Variants in PLXNA2 observed in about 807,000 individuals in gnomAD.
The protein encoded by PLXNA2 is plexin A2, also known as plexin-A2.
A neutral mutation model predicts 193.5 loss-of-function variants in PLXNA2; 91 were observed. The observed-to-expected ratio is 0.47, with a 90% CI of 0.40 to 0.56. The LOEUF (loss-of-function observed/expected upper bound fraction) is 0.56, where lower values mean the gene tolerates loss of function less well. PLXNA2 is among the 20% of genes least tolerant of loss of function. PLXNA2 has a pLI of 0.00. For synonymous variants in PLXNA2, 997 were observed against 1,027.3 expected (o/e 0.97, Z 0.56); for missense variants, 1,995 against 2,503.2 (o/e 0.80, Z 4.33).
In PLXNA2 at chr1:208,163,984, C is replaced by A. The variant is rs566578945; in HGVS notation, c.1372-21521G>T. ...CCCCCACAAAGGGGCCGCTTCCCCC[C>A]ATGGAGCACAGGAAGGCAGGTGTAT... On this transcript the variant is annotated intron_variant, in intron 3 of 31. Coordinates refer to ENST00000367033, the MANE Select transcript of PLXNA2 (RefSeq NM_025179.4). 1.1e-4 allele frequency among the ~76,000 whole-genome samples: 17 copies of A among 152,364 alleles called. No homozygotes were observed. In the East Asian group the frequency reaches 2.7e-3, roughly 24 times the overall value.
intron 3 of PLXNA2, among the ~76,000 whole-genome samples, chr1:208,143,818 C>T (rs966782231): frequency 2.0e-5 from 3 of 152,042 alleles, no homozygotes; most frequent in Non-Finnish European, 4.4e-5. Flanking sequence ...ACTACCTACT[C>T]GAATTGTTCT....
intron 4 of PLXNA2, among the ~76,000 whole-genome samples, chr1:208,119,982 A>G (rs1223915147): frequency 6.6e-6 from 1 of 152,112 alleles, no homozygotes; most frequent in Non-Finnish European, 1.5e-5. Context: ...GAGGGAGGTG[A>G]GTGGATGGAT....
rs989635239 is a variant in PLXNA2, at chr1:208,034,674, T to C, written c.4765-82A>G. 4 of 850,992 alleles carry C rather than the reference T, an allele frequency of 4.7e-6. No individual in the cohort carries two copies. The Admixed American group carries it at 7.3e-5, about 16-fold the overall frequency. The allele number at this position is 850,992 out of a possible 1,614,324, so 52.7% of individuals were successfully genotyped here. On this transcript the variant is annotated intron_variant, in intron 26 of 31. Coordinates refer to ENST00000367033, the MANE Select transcript of PLXNA2 (RefSeq NM_025179.4). ...TGGATAGTCAAGTATTTCTAGAGGG[T>C]TATAAGATAGCTGTGGGGTAGAGAG... is the stretch of plus-strand genomic sequence containing the variant.
chr1:208,202,539 C>T (rs545285751), intron 3 of PLXNA2, among the ~76,000 whole-genome samples: 3 of 152,256 alleles, frequency 2.0e-5, no homozygotes, highest in Admixed American at 2.0e-4. Flanking sequence ...TGGTCCCTAC[C>T]CGAAGGCAGG....
intron 12 of PLXNA2, among the ~76,000 whole-genome samples, chr1:208,068,225 A>T (rs922666941): frequency 2.6e-5 from 4 of 152,218 alleles, no homozygotes; most frequent in African/African-American, 9.6e-5. Context: ...GTTAAAAGGA[A>T]ATGCTGGTCT....
At chr1:208,231,147 C>T (rs1456552028) in intron 1 of PLXNA2, among the ~76,000 whole-genome samples, 1 of 151,998 alleles carries the variant, frequency 6.6e-6, no homozygotes, top group African/African-American at 2.4e-5. Context: ...GGGAGAGTGA[C>T]GGGCGCAGTT....
intron 12 of PLXNA2, among the ~76,000 whole-genome samples, chr1:208,063,481 A>G (rs1665681647): frequency 6.6e-6 from 1 of 152,348 alleles, no homozygotes; most frequent in African/African-American, 2.4e-5. Flanking sequence ...ATTGGCAAGC[A>G]TTATAATCTT....
chr1:208,115,713 T>G (rs2102439642), intron 4 of PLXNA2, among the ~76,000 whole-genome samples: 1 of 152,330 alleles, frequency 6.6e-6, no homozygotes, highest in Middle Eastern at 3.4e-3. Flanking sequence ...GATCCCAAAG[T>G]ACTCATAGTG....
chr1:208,241,131 C>A (rs936876626), intron 1 of PLXNA2, among the ~76,000 whole-genome samples: 2 of 152,284 alleles, frequency 1.3e-5, no homozygotes, highest in Admixed American at 6.5e-5. Context: ...TTTCTTGTAA[C>A]CTGCCCATGA....
intron 3 of PLXNA2, among the ~76,000 whole-genome samples, chr1:208,162,914 G>A (rs1669177422): frequency 6.6e-6 from 1 of 152,182 alleles, no homozygotes; most frequent in Non-Finnish European, 1.5e-5. Flanking sequence ...CACATACAAG[G>A]CTGACTCTGC....
chr1:208,052,492 A>T, intron 14 of PLXNA2, 29 bp from the exon 15 acceptor site: 1 of 1,611,326 alleles, frequency 6.2e-7, no homozygotes, highest in South Asian at 1.1e-5. Context: ...AAATGACTAC[A>T]GCTTAGGTTT....
rs73077842 is a variant in PLXNA2 at position 208,187,415 on chromosome 1, T to C, written c.1371+22865A>G. ...GGTTCTGTGTGTGTGAGAGAGACCGTAGGGAGGCTGGATTTGGAAGGGAGG... is the reference window on the plus strand; with the variant it reads ...GGTTCTGTGTGTGTGAGAGAGACCGCAGGGAGGCTGGATTTGGAAGGGAGG... On this transcript the variant is annotated intron_variant, in intron 3 of 31. Transcript: ENST00000367033. Among the ~76,000 whole-genome samples, 709 of 152,180 alleles carry C rather than the reference T, an allele frequency of 4.7e-3. 8 individuals carry two copies. Among genetic ancestry groups the C allele is most frequent in the African/African-American group, 0.016 (677 of 41,506 alleles).
chr1:208,117,524 A>G lies in PLXNA2; in HGVS notation c.1507-14277T>C, dbSNP rs1667675243. On this transcript the variant is annotated intron_variant, in intron 4 of 31. Transcript: ENST00000367033. ...GTGGTGCTGTGACCCCACTGCGGAC[A>G]TCTGTATGGAGAGAACTGGAAAATC... is the stretch of plus-strand genomic sequence containing the variant. Among the ~76,000 whole-genome samples, 4 of 152,210 alleles carry G rather than the reference A, an allele frequency of 2.6e-5. No homozygotes were observed. In the South Asian group the frequency reaches 8.3e-4, roughly 31 times the overall value.
Position 208,180,150 on chromosome 1 carries a change from C to A in PLXNA2, c.1371+30130G>T, listed in dbSNP as rs1038306414. On this transcript the variant is annotated intron_variant, in intron 3 of 31. Transcript: ENST00000367033. ...CCACAACAGGCGGTTTAGAGCAGCTCACTGGGGGCTTGTATTTTTTTTTTT... is the reference window on the plus strand; with the variant it reads ...CCACAACAGGCGGTTTAGAGCAGCTAACTGGGGGCTTGTATTTTTTTTTTT... 3.4e-5 allele frequency among the ~76,000 whole-genome samples: 5 copies of A among 145,306 alleles called. 1 individual carries two copies. The Middle Eastern group carries it at 0.01, about 301-fold the overall frequency.
rs1419134189 is a variant in PLXNA2 at position 208,218,203 on chromosome 1, A to C, written c.-80-201T>G. 1.1e-5 allele frequency: 6 copies of C among 549,848 alleles called. No homozygotes were observed. In the East Asian group the frequency reaches 1.9e-4, roughly 17 times the overall value. 34.1% of individuals were successfully genotyped at this position (549,848 alleles called of 1,614,324 possible). A position where few individuals can be genotyped will look rare whatever the true frequency, so the allele number is the denominator to read the frequency against. On this transcript the variant is annotated intron_variant, in intron 1 of 31. Transcript: ENST00000367033. ...TTATCTATTTTGGTCTCTAGCCTTT[A>C]TGCTATAAAATACTTGCTTTTTTTA...
chr1:208,097,845 C>T (rs774222322), intron 6 of PLXNA2, among the ~76,000 whole-genome samples: 7 of 151,548 alleles, frequency 4.6e-5, no homozygotes, highest in South Asian at 2.1e-4. Flanking sequence ...ACCATGATGG[C>T]GTAGGTAGGT....
chr1:208,103,384 C>G, intron 4 of PLXNA2, 137 bp from the exon 5 acceptor site: 1 of 627,838 alleles, frequency 1.6e-6, no homozygotes. Context: ...AAGTCATGGC[C>G]TCAATGTCCC....
At chr1:208,065,931 G>A (rs1386859806) in intron 12 of PLXNA2, among the ~76,000 whole-genome samples, 2 of 152,136 alleles carry the variant, frequency 1.3e-5, no homozygotes, top group Non-Finnish European at 2.9e-5. Context: ...AGCCATTCTG[G>A]GGTAGGTGCA....
At chr1:208,029,563 G>T (rs1664439462) in intron 29 of PLXNA2, 5 of 990,466 alleles carry the variant, frequency 5.0e-6, no homozygotes, top group Non-Finnish European at 4.8e-6. Flanking sequence ...GCCTGGCTGG[G>T]CCGAGGAATG....
Sources: gnomAD v4.1 joint callset for allele counts (sites outside exome capture counted in the v4.1 genomes callset) on GRCh38, gnomAD v4.1.1 for gene constraint, MANE v1.5 for transcripts, NCBI Gene and HGNC (gene_info 2026-07-23, HGNC 2026-07-21) for gene names.